The following CPEB3 variants were observed in gnomAD, a reference collection of about 807,000 sequenced individuals.
The protein encoded by CPEB3 is cytoplasmic polyadenylation element binding protein 3, also known as cytoplasmic polyadenylation element-binding protein 3.
CPEB3 carries 20 observed loss-of-function variants against 67.2 expected under a neutral mutation model. That is an observed-to-expected ratio of 0.30 (90% CI 0.21 to 0.43). The LOEUF (loss-of-function observed/expected upper bound fraction) is 0.43. Ranked by LOEUF, CPEB3 falls within the 20% of genes least tolerant of loss-of-function variation. The pLI, the probability that CPEB3 is intolerant of heterozygous loss-of-function variation, is 1.00. For synonymous variants in CPEB3, 376 were observed against 393.1 expected, an observed-to-expected ratio of 0.96 and a Z score of 0.51; for missense variants, 746 against 968.6, an observed-to-expected ratio of 0.77 and a Z score of 3.05.
intron 2 of CPEB3, among the ~76,000 whole-genome samples, chr10:92,197,364 G>GA (rs964170474): frequency 2.9e-4 from 44 of 152,188 alleles, no homozygotes; most frequent in Non-Finnish European, 5.1e-4. Context: ...AAAAAGGATA[G>GA]AAAAAAACAG....
intron 4 of CPEB3, among the ~76,000 whole-genome samples, chr10:92,155,373 A>C (rs1051598975): frequency 6.6e-6 from 1 of 152,220 alleles, no homozygotes; most frequent in Non-Finnish European, 1.5e-5. Flanking sequence ...AAAGGGATCA[A>C]ACATTAATTT....
chr10:92,071,702 T>A (rs1298357715), intron 9 of CPEB3, among the ~76,000 whole-genome samples: 1 of 149,668 alleles, frequency 6.7e-6, no homozygotes, highest in Non-Finnish European at 1.5e-5. Flanking sequence ...ACCACTGCAC[T>A]CCAGCCTGGG....
chr10:92,224,241 T>G (rs1181452222), intron 2 of CPEB3, among the ~76,000 whole-genome samples: 1 of 152,146 alleles, frequency 6.6e-6, no homozygotes, highest in East Asian at 1.9e-4. Context: ...CACTTTAGGT[T>G]CTCCCACGTT....
rs1852414733 is a variant in CPEB3 at position 92,253,969 on chromosome 10, C to CT, written c.-11-13609dup. ...TGTGGCCAGGCATGGTAGCTCATGC[C>CT]TGTAATCCCAGAACTTTGGGAGGCT... On this transcript the variant is annotated intron_variant, in intron 1 of 9. Coordinates refer to ENST00000265997, the MANE Select transcript of CPEB3 (RefSeq NM_014912.5). 2.0e-5 allele frequency among the ~76,000 whole-genome samples: 3 copies of CT among 152,114 alleles called. No individual in the cohort carries two copies. The South Asian group carries it at 6.2e-4, about 31-fold the overall frequency.
intron 2 of CPEB3, among the ~76,000 whole-genome samples, chr10:92,237,353 C>A (rs909150060): frequency 6.6e-6 from 1 of 152,174 alleles, no homozygotes; most frequent in Non-Finnish European, 1.5e-5. Context: ...AATCTTTTGG[C>A]CATTTTTGCC....
At chr10:92,259,074 T>C (rs1852672643) in intron 1 of CPEB3, among the ~76,000 whole-genome samples, 1 of 151,870 alleles carries the variant, frequency 6.6e-6, no homozygotes, top group Non-Finnish European at 1.5e-5. Context: ...GCAATTCTCC[T>C]GCCTCAGACT....
intron 2 of CPEB3, among the ~76,000 whole-genome samples, chr10:92,220,268 C>T (rs539975299): frequency 6.6e-6 from 1 of 152,288 alleles, no homozygotes; most frequent in East Asian, 1.9e-4. Context: ...TTGTAACCAC[C>T]TGAAGTATTA....
At chr10:92,174,926 T>C (rs1031358571) in intron 4 of CPEB3, among the ~76,000 whole-genome samples, 1 of 152,148 alleles carries the variant, frequency 6.6e-6, no homozygotes, top group Non-Finnish European at 1.5e-5. Context: ...GCTTCCTACT[T>C]CCCAAATGTA....
In CPEB3 at chr10:92,084,109, G is replaced by A. The variant is rs117260593; in HGVS notation, c.1688-2608C>T. Among the ~76,000 whole-genome samples the A allele has an allele frequency of 4.6e-4, 68 of 147,576 alleles. No homozygotes were observed. In the East Asian group the frequency reaches 0.013, roughly 27 times the overall value. On this transcript the variant is annotated intron_variant, in intron 8 of 9. Transcript: ENST00000265997. ...GAACCTGGGAGCTGGACCTTGCAGT[G>A]AGCCGAGATCACGCCACTGCACTCC...
At chr10:92,256,660 C>T (rs1369410245) in intron 1 of CPEB3, among the ~76,000 whole-genome samples, 1 of 152,198 alleles carries the variant, frequency 6.6e-6, no homozygotes, top group Non-Finnish European at 1.5e-5. Flanking sequence ...ACTGGGATTA[C>T]AGGCATGAGC....
intron 4 of CPEB3, among the ~76,000 whole-genome samples, chr10:92,177,105 T>C (rs982422056): frequency 6.6e-6 from 1 of 152,204 alleles, no homozygotes; most frequent in African/African-American, 2.4e-5. Flanking sequence ...CAAGCTACTA[T>C]TAGTATTAGA....
chr10:92,158,243 T>C (rs1206271213), intron 4 of CPEB3, among the ~76,000 whole-genome samples: 1 of 152,182 alleles, frequency 6.6e-6, no homozygotes, highest in Middle Eastern at 3.2e-3. Flanking sequence ...AAAACCTTTA[T>C]GAAGTACAGG....
intron 9 of CPEB3, among the ~76,000 whole-genome samples, chr10:92,070,939 C>T (rs1318810964): frequency 1.3e-5 from 2 of 151,062 alleles, no homozygotes; most frequent in East Asian, 3.9e-4. Context: ...CCTGAAATTC[C>T]AATTAGATTG....
intron 1 of CPEB3, among the ~76,000 whole-genome samples, chr10:92,283,660 C>T (rs1590619587): frequency 6.6e-6 from 1 of 152,112 alleles, no homozygotes; most frequent in East Asian, 1.9e-4. Flanking sequence ...GGTTTAGGAA[C>T]CACTACAAGT....
At chr10:92,052,950 C>G (rs1278344063) in intron 9 of CPEB3, among the ~76,000 whole-genome samples, 2 of 152,174 alleles carry the variant, frequency 1.3e-5, no homozygotes, top group Non-Finnish European at 2.9e-5. Context: ...GTAGCTGAAG[C>G]CAGGCCCGAG....
chr10:92,200,009 C>T, intron 2 of CPEB3, among the ~76,000 whole-genome samples: 1 of 152,048 alleles, frequency 6.6e-6, no homozygotes, highest in East Asian at 1.9e-4. Context: ...CCAAATGAGA[C>T]TATTATATTT....
chr10:92,115,405 GC>G (rs1207547963), intron 6 of CPEB3, among the ~76,000 whole-genome samples: 1 of 152,218 alleles, frequency 6.6e-6, no homozygotes, highest in Non-Finnish European at 1.5e-5. Context: ...TTCAGCCTCA[GC>G]CTCCCACAGT....
intron 1 of CPEB3, among the ~76,000 whole-genome samples, chr10:92,289,499 G>T (rs186770056): frequency 6.6e-6 from 1 of 151,602 alleles, no homozygotes; most frequent in Non-Finnish European, 1.5e-5. Context: ...TCAAGACAGC[G>T]CCACTGCACT....
intron 4 of CPEB3, among the ~76,000 whole-genome samples, chr10:92,168,554 G>A (rs1011735740): frequency 1.6e-4 from 25 of 152,008 alleles, no homozygotes; most frequent in African/African-American, 2.7e-4. Flanking sequence ...GGAGAAACCC[G>A]GTGGGAGGTA....
Sources: allele counts gnomAD v4.1 joint callset (sites outside exome capture counted in the v4.1 genomes callset), GRCh38; gene constraint gnomAD v4.1.1; transcripts MANE v1.5; gene names NCBI Gene and HGNC (gene_info 2026-07-23, HGNC 2026-07-21).